SND1: variants seen among roughly 807,000 people sequenced by gnomAD.
SND1 encodes staphylococcal nuclease and tudor domain containing 1.
SND1 carries 38 observed loss-of-function variants against 121.7 expected under a neutral mutation model. The ratio of observed to expected loss-of-function variants is 0.31; its 90% CI spans 0.24 to 0.41. SND1 has a LOEUF of 0.41. Ranked by LOEUF, SND1 falls within the 10% of genes least tolerant of loss-of-function variation. The pLI is 1.00. For synonymous variants in SND1, 401 were observed against 447.4 expected, an observed-to-expected ratio of 0.90 and a Z score of 1.31; for missense variants, 868 against 1,184.6, an observed-to-expected ratio of 0.73 and a Z score of 3.92.
chr7:127,824,373 G>A (rs1798606256), intron 11 of SND1, among the ~76,000 whole-genome samples: 1 of 152,176 alleles, frequency 6.6e-6, no homozygotes, highest in Non-Finnish European at 1.5e-5. Flanking sequence ...GTTTTTATAA[G>A]CCATATTCCG....
intron 3 of SND1, among the ~76,000 whole-genome samples, chr7:127,698,324 G>T (rs1419439306): frequency 6.6e-6 from 1 of 152,158 alleles, no homozygotes; most frequent in East Asian, 1.9e-4. Context: ...CTCTCTGATC[G>T]TACACGGTGA....
At chr7:127,686,505 TTG>T in intron 1 of SND1, 106 bp from the exon 2 acceptor site, 1 of 1,224,516 alleles carries the variant, frequency 8.2e-7, no homozygotes, top group South Asian at 1.5e-5. Flanking sequence ...TTGCATGCCT[TTG>T]AAGTGCAAAT....
intron 13 of SND1, among the ~76,000 whole-genome samples, chr7:127,892,849 C>A (rs1227232686): frequency 6.7e-6 from 1 of 150,122 alleles, no homozygotes; most frequent in African/African-American, 2.4e-5. Flanking sequence ...CTCTGTGACA[C>A]TCCTGAACTT....
In SND1 at chr7:128,092,175, T is replaced by TC. The variant is rs1237846281; in HGVS notation, c.*118dup. 18 of 1,134,732 alleles carry TC rather than the reference T, an allele frequency of 1.6e-5. No homozygotes were observed. The African/African-American group carries it at 2.3e-4, about 15-fold the overall frequency. The allele number at this position is 1,134,732 out of a possible 1,614,324, so 70.3% of individuals were successfully genotyped here. A position where few individuals can be genotyped will look rare whatever the true frequency, so the allele number is the denominator to read the frequency against. ...GTTGTAGATTGGGTCCAGCTTTGCT[T>TC]CAGTGTGTGGAAATGTCTCGTGGGG... On this transcript the variant is annotated 3_prime_UTR_variant, in exon 24 of 24. Transcript: ENST00000354725. The surrounding 1 kb of genome is among the most constrained non-coding windows in gnomAD (Gnocchi z 4.9).
chr7:127,732,379 C>T (rs1796695024), intron 10 of SND1, among the ~76,000 whole-genome samples: 1 of 152,168 alleles, frequency 6.6e-6, no homozygotes, highest in African/African-American at 2.4e-5. Flanking sequence ...TCATTTCTGA[C>T]CAACACAATT....
chr7:127,900,526 G>A (rs1391584617), intron 13 of SND1, among the ~76,000 whole-genome samples: 1 of 152,188 alleles, frequency 6.6e-6, no homozygotes, highest in Non-Finnish European at 1.5e-5. Context: ...TGATCTCCCT[G>A]CAAAAATGTT....
chr7:127,692,447 T>C (rs188220572), intron 2 of SND1: 130 of 152,366 alleles, frequency 8.5e-4, no homozygotes, highest in African/African-American at 3.0e-3. Flanking sequence ...AATAAATGCT[T>C]TGAGCAAATT....
intron 12 of SND1, among the ~76,000 whole-genome samples, chr7:127,845,235 G>C (rs1799037320): frequency 6.6e-6 from 1 of 152,214 alleles, no homozygotes; most frequent in Non-Finnish European, 1.5e-5. Flanking sequence ...AGCTATTGCA[G>C]GCCTCTGAAA....
chr7:127,705,292 C>T (rs919800274), intron 8 of SND1, among the ~76,000 whole-genome samples: 17 of 152,108 alleles, frequency 1.1e-4, no homozygotes, highest in African/African-American at 4.1e-4. Context: ...GATGAAATTG[C>T]TTATTAGCTG....
intron 16 of SND1, chr7:128,027,066 T>C (rs750595978): frequency 1.3e-5 from 2 of 152,082 alleles, no homozygotes; most frequent in East Asian, 2.0e-4. Flanking sequence ...TTTGGGGACA[T>C]TGAATTAAAA....
At chr7:127,956,441 T>C (rs1000627584) in intron 15 of SND1, among the ~76,000 whole-genome samples, 1 of 152,204 alleles carries the variant, frequency 6.6e-6, no homozygotes, top group Non-Finnish European at 1.5e-5. Flanking sequence ...ACTCCTTTAA[T>C]ATTTAATTAA....
chr7:127,758,232 A>G (rs1428318972), intron 10 of SND1, among the ~76,000 whole-genome samples: 2 of 152,258 alleles, frequency 1.3e-5, no homozygotes, highest in African/African-American at 4.8e-5. Flanking sequence ...TGCTAGTACT[A>G]TCCACATTTG....
intron 11 of SND1, among the ~76,000 whole-genome samples, chr7:127,811,581 G>A (rs962959977): frequency 3.3e-5 from 5 of 151,954 alleles, no homozygotes; most frequent in Admixed American, 6.6e-5. Context: ...CTTATATCTC[G>A]TCTAGCCTGG....
intron 16 of SND1, among the ~76,000 whole-genome samples, chr7:128,039,894 G>A (rs758825575): frequency 2.6e-5 from 4 of 152,144 alleles, no homozygotes; most frequent in Non-Finnish European, 4.4e-5. Context: ...CCATTACCTC[G>A]CTTTATGGAG....
At chr7:127,859,949 G>A (rs1470703211) in intron 12 of SND1, among the ~76,000 whole-genome samples, 2 of 152,136 alleles carry the variant, frequency 1.3e-5, no homozygotes, top group African/African-American at 4.8e-5. Flanking sequence ...AGACATTACA[G>A]ATGTTTATGT....
In SND1 at chr7:127,689,568, G is replaced by A. The variant is rs993494300; in HGVS notation, c.228+2806G>A. 3.9e-5 allele frequency among the ~76,000 whole-genome samples: 6 copies of A among 152,218 alleles called. No individual in the cohort carries two copies. In the South Asian group the frequency reaches 6.2e-4, roughly 16 times the overall value. On this transcript the variant is annotated intron_variant, in intron 2 of 23. Coordinates refer to ENST00000354725, the MANE Select transcript of SND1 (RefSeq NM_014390.4). ...TAACTGTATCCCATGTTAACAGGAC[G>A]GTGAAATCTTACCAGAACTATCCTA...
At chr7:127,737,237 C>T (rs1796793604) in intron 10 of SND1, among the ~76,000 whole-genome samples, 1 of 152,138 alleles carries the variant, frequency 6.6e-6, no homozygotes, top group African/African-American at 2.4e-5. Flanking sequence ...GTCTACTGTG[C>T]GTGAAGTCTG....
chr7:127,901,186 AGAG>A (rs1269312611), intron 13 of SND1, among the ~76,000 whole-genome samples: 1 of 152,218 alleles, frequency 6.6e-6, no homozygotes, highest in East Asian at 1.9e-4. Context: ...TGTGAGATGC[AGAG>A]GAGAACCCCA....
chr7:128,011,708 A>G lies in SND1; in HGVS notation c.1779+20652A>G, dbSNP rs145552093. ...TTAACTTCCCCAGATTTATTAGTTGATACCAAGGAATAACTTTGATAATTT... is the reference window on the plus strand; with the variant it reads ...TTAACTTCCCCAGATTTATTAGTTGGTACCAAGGAATAACTTTGATAATTT... On this transcript the variant is annotated intron_variant, in intron 16 of 23. Transcript: ENST00000354725. Among the ~76,000 whole-genome samples the G allele has an allele frequency of 6.3e-3, 953 of 152,340 alleles. 5 individuals carry two copies. The highest frequency in any genetic ancestry group is 0.034 in the South Asian group (162 of 4,830).
Sources: gnomAD v4.1 joint callset for allele counts (sites outside exome capture counted in the v4.1 genomes callset) on GRCh38, gnomAD v4.1.1 for gene constraint, Gnocchi (gnomAD v3.1) non-coding constraint, MANE v1.5 for transcripts, NCBI Gene and HGNC (gene_info 2026-07-23, HGNC 2026-07-21) for gene names.